The following TBX10 variants were observed in gnomAD, a reference collection of about 807,000 sequenced individuals.
TBX10 encodes the protein T-box transcription factor TBX10.
A neutral mutation model predicts 32.4 loss-of-function variants in TBX10; 26 were observed. The observed-to-expected ratio is 0.80, with a 90% CI of 0.59 to 1.11. The LOEUF (loss-of-function observed/expected upper bound fraction) is 1.11, where lower values mean the gene tolerates loss of function less well. Ranked by LOEUF, TBX10 falls within the 50% of genes most tolerant of loss-of-function variation. The pLI is 0.00. For missense variants in TBX10, 490 were observed against 494.5 expected, an observed-to-expected ratio of 0.99 and a Z score of 0.09; for synonymous variants, 195 against 203.1, an observed-to-expected ratio of 0.96 and a Z score of 0.34.
intron 1 of TBX10, among the ~76,000 whole-genome samples, chr11:67,637,998 A>G (rs1407065896): frequency 6.6e-6 from 1 of 152,182 alleles, no homozygotes; most frequent in African/African-American, 2.4e-5. Flanking sequence ...ACTTGAGGTC[A>G]GGAGTTTGAG....
chr11:67,634,454 C>G (rs1855292836), intron 3 of TBX10, 94 bp from the exon 4 acceptor site: 1 of 1,455,172 alleles, frequency 6.9e-7, no homozygotes, highest in African/African-American at 1.4e-5. Context: ...GACTCCAACA[C>G]TGCTCACCCC....
chr11:67,635,689 G>C (rs548494681), intron 1 of TBX10, among the ~76,000 whole-genome samples: 1 of 152,060 alleles, frequency 6.6e-6, no homozygotes, highest in South Asian at 2.1e-4. Context: ...TATGTGTGTG[G>C]GGCGGGGGAG....
chr11:67,640,887 C>T (rs1855395096), upstream of TBX10, among the ~76,000 whole-genome samples: 1 of 152,158 alleles, frequency 6.6e-6, no homozygotes, highest in East Asian at 1.9e-4. Context: ...TCTCAGCCTG[C>T]AGAGCTGGAT....
At chr11:67,632,897 C>G (rs753214283) in intron 5 of TBX10, 51 bp downstream of exon 5, 1 of 1,613,846 alleles carries the variant, frequency 6.2e-7, no homozygotes, top group Non-Finnish European at 8.5e-7. Flanking sequence ...GCTCAGTCTC[C>G]ACCCCTGTGA....
rs372244845 is a variant in TBX10, at chr11:67,635,120, C to G, written c.151G>C (p.Glu51Gln). ...TSSTGAQAVA[E>Q]PTGQGPKNPR... ...TTCTTGGGGCCCTGCCCAGTGGGCT[C>G]GGCCACAGCTTGGGCCCCAGTAGAG... is the stretch of plus-strand genomic sequence containing the variant. The change falls in exon 2 of 8, where the codon GAG becomes CAG. Residue 51 changes from glutamate (E) to glutamine (Q), a missense_variant. Around this residue, in one of 3 missense-constraint regions of TBX10, gnomAD observed 307 missense variants for 294.9 expected, o/e 1.04. Coordinates refer to ENST00000335385, the MANE Select transcript of TBX10 (RefSeq NM_005995.5). The G allele has an allele frequency of 1.1e-5, 18 of 1,613,790 alleles. No homozygotes were observed. Among genetic ancestry groups the G allele is most frequent in the Non-Finnish European group, 1.4e-5 (17 of 1,180,026 alleles).
rs772680513 is a variant in TBX10 at position 67,639,391 on chromosome 11, G to T, written c.7+75C>A. The T allele has an allele frequency of 1.4e-5, 11 of 779,178 alleles. No homozygotes were observed. The Admixed American group carries it at 1.8e-4, about 13-fold the overall frequency. The allele number at this position is 779,178 out of a possible 1,614,324, so 48.3% of individuals were successfully genotyped here. A position where few individuals can be genotyped will look rare whatever the true frequency, so the allele number is the denominator to read the frequency against. On this transcript the variant is annotated intron_variant, in intron 1 of 7. Transcript: ENST00000335385. ...ACCTGGGTTCAGCGGGGCTGTCTTG[G>T]TTCCCACCCTGCCCACCCACCCTGG...
chr11:67,632,458 C>T, intron 6 of TBX10, 46 bp from the exon 7 acceptor site: 1 of 1,599,934 alleles, frequency 6.3e-7, no homozygotes, highest in Non-Finnish European at 8.5e-7. Flanking sequence ...AGGGGAAGAA[C>T]CCAGGCCAGG....
In TBX10 at chr11:67,632,585, G is replaced by A. The variant is rs1458224612; in HGVS notation, c.773+18C>T. On this transcript the variant is annotated intron_variant, in intron 6 of 7. Coordinates refer to ENST00000335385, the MANE Select transcript of TBX10 (RefSeq NM_005995.5). ...CCTGGGGTGGGGGTGAGGGGCTAGG[G>A]TCAGGGTCAGACAGTACCAGGAGTC... 1 of 1,613,676 alleles carries A rather than the reference G, an allele frequency of 6.2e-7. No individual in the cohort carries two copies. Among genetic ancestry groups the A allele is most frequent in the Non-Finnish European group, 8.5e-7 (1 of 1,179,822 alleles).
chr11:67,634,496 G>T (rs1263705582), intron 3 of TBX10, 136 bp from the exon 4 acceptor site: 3 of 1,078,932 alleles, frequency 2.8e-6, no homozygotes, highest in Non-Finnish European at 4.0e-6. Flanking sequence ...GGAACCCAAG[G>T]CTCAAGAGAA....
intron 1 of TBX10, among the ~76,000 whole-genome samples, chr11:67,637,972 C>G (rs995045606): frequency 2.0e-5 from 3 of 152,188 alleles, no homozygotes; most frequent in African/African-American, 7.2e-5. Flanking sequence ...CTTTGGGAGG[C>G]CGAGGCGGGT....
intron 1 of TBX10, among the ~76,000 whole-genome samples, chr11:67,636,233 C>T (rs1013007348): frequency 2.8e-5 from 4 of 144,608 alleles, no homozygotes; most frequent in Non-Finnish European, 6.1e-5. Context: ...AGGTGCACAC[C>T]ACCACACACG....
chr11:67,641,721 A>T (rs561730166), upstream of TBX10, among the ~76,000 whole-genome samples: 77 of 152,230 alleles, frequency 5.1e-4, no homozygotes, highest in Non-Finnish European at 8.8e-4. Context: ...AGGCTCAGGC[A>T]GGTGCGGGCA....
At position 67,633,082 on chromosome 11, in the gene TBX10, G is replaced by A. The variant is rs1409753248; in HGVS notation, c.571C>T (p.Arg191Cys). 12 of 1,614,070 alleles carry A rather than the reference G, an allele frequency of 7.4e-6. No homozygotes were observed. The highest frequency in any genetic ancestry group is 1.7e-5 in the Admixed American group (1 of 60,022). Residue 191 changes from arginine (R) to cysteine (C), a missense_variant, in exon 5 of 8, where the codon CGC becomes TGC. Arg to Cys is a radical substitution (Grantham distance 180). Around this residue, in one of 3 missense-constraint regions of TBX10, gnomAD observed 307 missense variants for 294.9 expected, o/e 1.04. Coordinates refer to ENST00000335385, the MANE Select transcript of TBX10 (RefSeq NM_005995.5). Reference protein sequence around the residue: ...NGHIILNSMHRYQPRFHVVFV... With the variant: ...NGHIILNSMHCYQPRFHVVFV... ...ACCACGTGGAAACGGGGCTGGTAGC[G>A]GTGCATAGAGTTGAGAATGATCTGT...
chr11:67,635,946 A>C (rs1346312626), intron 1 of TBX10, among the ~76,000 whole-genome samples: 1 of 150,812 alleles, frequency 6.6e-6, no homozygotes, highest in Admixed American at 6.6e-5. Context: ...GTCACCCTTC[A>C]CCCCTCCAAT....
intron 1 of TBX10, among the ~76,000 whole-genome samples, chr11:67,638,958 C>T (rs1002025117): frequency 1.3e-5 from 2 of 152,208 alleles, no homozygotes; most frequent in Non-Finnish European, 2.9e-5. Flanking sequence ...GAGGCTTTGC[C>T]GGTGGTCACT....
chr11:67,632,796 A>G, intron 5 of TBX10, 126 bp from the exon 6 acceptor site: 1 of 1,540,922 alleles, frequency 6.5e-7, no homozygotes, highest in Non-Finnish European at 9.0e-7. Context: ...CTGAGCTGAT[A>G]GGAGTGCGGG....
intron 1 of TBX10, among the ~76,000 whole-genome samples, chr11:67,638,715 G>A (rs376890486): frequency 1.1e-4 from 17 of 152,306 alleles, no homozygotes; most frequent in African/African-American, 3.4e-4. Flanking sequence ...GCAGCCTCGC[G>A]GGGGAGGGGG....
At chr11:67,637,521 T>C (rs906067269) in intron 1 of TBX10, among the ~76,000 whole-genome samples, 4 of 152,168 alleles carry the variant, frequency 2.6e-5, no homozygotes, top group African/African-American at 9.7e-5. Context: ...TTTGTCCTGA[T>C]TGGCTAGTAA....
At chr11:67,634,014 G>A (rs1238988865) in intron 4 of TBX10, among the ~76,000 whole-genome samples, 175 bp downstream of exon 4, 1 of 151,030 alleles carries the variant, frequency 6.6e-6, no homozygotes, top group African/African-American at 2.4e-5. Context: ...CACCTGCCTG[G>A]ACAGCCCTTC....
Sources: gnomAD v4.1 joint callset for allele counts (sites outside exome capture counted in the v4.1 genomes callset) on GRCh38, gnomAD v4.1.1 for gene constraint, gnomAD v4.1.1 regional missense constraint, MANE v1.5 for transcripts, NCBI Gene and HGNC (gene_info 2026-07-23, HGNC 2026-07-21) for gene names.